Variants in RFC5 observed in about 807,000 individuals in gnomAD.
RFC5 encodes the protein replication factor C subunit 5, also known as A1 36 kDa subunit.
In RFC5, 26 loss-of-function variants were observed where a neutral mutation model predicts 44.3. The ratio of observed to expected loss-of-function variants is 0.59; its 90% CI spans 0.43 to 0.81. RFC5 has a LOEUF of 0.81. RFC5 is among the 40% of genes least tolerant of loss of function. RFC5 has a pLI of 0.00. For synonymous variants in RFC5, 155 were observed against 155.2 expected, an observed-to-expected ratio of 1.00 and a Z score of 0.01; for missense variants, 328 against 418.6, an observed-to-expected ratio of 0.78 and a Z score of 1.89.
intron 5 of RFC5, among the ~76,000 whole-genome samples, chr12:118,023,592 G>C (rs886245101): frequency 2.0e-5 from 3 of 152,086 alleles, no homozygotes; most frequent in Non-Finnish European, 2.9e-5. Flanking sequence ...GTTCTGCCGA[G>C]TGACTGTCAT....
At position 118,019,102 on chromosome 12, in the gene RFC5, T is replaced by C; in HGVS notation, c.96T>C (p.Asn32=). The change falls in exon 2 of 11, where the codon AAT becomes AAC. Residue 32 remains asparagine (N), a synonymous_variant. Coordinates refer to ENST00000454402, the MANE Select transcript of RFC5 (RefSeq NM_007370.7). The surrounding 1 kb of genome is among the most constrained non-coding windows in gnomAD (Gnocchi z 4.2). ...WVEKYRPQTL[N]DLISHQDILS... ...AAAAATACCGGCCACAGACCCTGAA[T>C]GATCTCATTTCTCATCAGGACATTC... 6.2e-7 allele frequency: 1 copy of C among 1,613,212 alleles called. No homozygotes were observed. Among genetic ancestry groups the C allele is most frequent in the Non-Finnish European group, 8.5e-7 (1 of 1,179,188 alleles).
rs1593436392 is a variant in RFC5, at chr12:118,019,182, G to A, written c.130+46G>A. On this transcript the variant is annotated intron_variant, in intron 2 of 10. Coordinates refer to ENST00000454402, the MANE Select transcript of RFC5 (RefSeq NM_007370.7). This position sits in a 1 kb window ranked among gnomAD's most constrained non-coding sequence, Gnocchi z 4.2. ...TGCTCTTGTCCTGCTTGAGCGACTT[G>A]TATAAATTGCTTGGTGATGTTGTCT... The A allele has an allele frequency of 7.3e-7, 1 of 1,366,132 alleles. No individual in the cohort carries two copies. The highest frequency in any genetic ancestry group is 1.0e-6 in the Non-Finnish European group (1 of 955,604). The allele number at this position is 1,366,132 out of a possible 1,614,324, so 84.6% of individuals were successfully genotyped here.
At chr12:118,038,104 C>T (rs938795645), downstream of RFC5, 3 of 470,654 alleles carry the variant, frequency 6.4e-6, no homozygotes, top group Non-Finnish European at 1.1e-5. Flanking sequence ...CAAATCCCTC[C>T]TGTCTTTGGG....
Position 118,026,942 on chromosome 12 carries a change from C to A in RFC5, c.717C>A (p.Thr239=). 1 of 1,613,958 alleles carries A rather than the reference C, an allele frequency of 6.2e-7. No individual in the cohort carries two copies. ...CAGAGGAGACTGTCTACACCTGCAC[C>A]GGGCACCCGCTCAAGTCAGACATTG... The part of the protein sequence containing the change: ...KVTEETVYTC[T]GHPLKSDIAN... The change falls in exon 8 of 11, where the codon ACC becomes ACA. Residue 239 remains threonine, a synonymous_variant. Transcript: ENST00000454402.
chr12:118,038,290 A>G, the RFC5 span: 1 of 1,612,902 alleles, frequency 6.2e-7, no homozygotes, highest in African/African-American at 1.3e-5. Flanking sequence ...AGACTCACCG[A>G]CTTCTCTCCA....
intron 5 of RFC5, among the ~76,000 whole-genome samples, chr12:118,024,221 G>A (rs902817729): frequency 6.6e-5 from 10 of 151,778 alleles, no homozygotes; most frequent in Non-Finnish European, 1.0e-4. Context: ...CGTGTCTGTA[G>A]TCCCAGCTAC....
In RFC5 at chr12:118,019,870, G is replaced by A. The variant is rs1311343163; in HGVS notation, c.267+102G>A. ...TTACTTTAAAAGTAAGTTGCCCCAC[G>A]GACAGTTAGGAAAGAAGTAAATTTG... On this transcript the variant is annotated intron_variant, in intron 3 of 10. Coordinates refer to ENST00000454402, the MANE Select transcript of RFC5 (RefSeq NM_007370.7). The surrounding 1 kb of genome is among the most constrained non-coding windows in gnomAD (Gnocchi z 4.2). 8.9e-6 allele frequency: 8 copies of A among 903,662 alleles called. No homozygotes were observed. Among genetic ancestry groups the A allele is most frequent in the South Asian group, 3.3e-5 (2 of 60,600 alleles). The allele number at this position is 903,662 out of a possible 1,614,324, so 56.0% of individuals were successfully genotyped here. A position where few individuals can be genotyped will look rare whatever the true frequency, so the allele number is the denominator to read the frequency against.
downstream of RFC5, chr12:118,036,207 A>G (rs1404779034): frequency 7.2e-6 from 8 of 1,103,742 alleles, no homozygotes; most frequent in Non-Finnish European, 1.0e-5. Context: ...GTCTCAAAAG[A>G]GACCCACTGT....
chr12:118,023,708 C>T (rs2030713292), intron 5 of RFC5, among the ~76,000 whole-genome samples: 1 of 152,014 alleles, frequency 6.6e-6, no homozygotes, highest in Non-Finnish European at 1.5e-5. Context: ...TCTAAGGCCT[C>T]CAGACAGTCT....
At position 118,026,788 on chromosome 12, in the gene RFC5, C is replaced by T. The variant is rs796069157; in HGVS notation, c.664-101C>T. ...CTTGTGCCCATAGAACTTTGCTGCTCACCTGCATTGCTGCCTTGGCAATTT... is the reference window on the plus strand; with the variant it reads ...CTTGTGCCCATAGAACTTTGCTGCTTACCTGCATTGCTGCCTTGGCAATTT... On this transcript the variant is annotated intron_variant, in intron 7 of 10. Transcript: ENST00000454402. 7.2e-5 allele frequency: 96 copies of T among 1,330,604 alleles called. No homozygotes were observed. The African/African-American group carries it at 1.0e-3, about 14-fold the overall frequency. 82.4% of individuals were successfully genotyped at this position (1,330,604 alleles called of 1,614,324 possible). A position where few individuals can be genotyped will look rare whatever the true frequency, so the allele number is the denominator to read the frequency against.
chr12:118,020,323 A>T (rs1222423427), intron 3 of RFC5, among the ~76,000 whole-genome samples: 1 of 152,186 alleles, frequency 6.6e-6, no homozygotes, highest in East Asian at 1.9e-4. Context: ...TCCCTTCACT[A>T]AGCCCTTCAG....
downstream of RFC5, among the ~76,000 whole-genome samples, chr12:118,036,733 T>C (rs1315102976): frequency 6.6e-6 from 1 of 152,176 alleles, no homozygotes; most frequent in Non-Finnish European, 1.5e-5. Context: ...AGGAGCTCAC[T>C]ATAAGAGAGA....
the RFC5 span, among the ~76,000 whole-genome samples, chr12:118,041,165 G>A: frequency 6.6e-6 from 1 of 152,208 alleles, no homozygotes; most frequent in Non-Finnish European, 1.5e-5. Flanking sequence ...TGGACTAAAT[G>A]TGCCCCCCAC....
intron 3 of RFC5, among the ~76,000 whole-genome samples, chr12:118,020,106 G>C (rs1281848354): frequency 2.0e-5 from 3 of 152,170 alleles, no homozygotes; most frequent in African/African-American, 4.8e-5. Context: ...TGCCTGGAAG[G>C]CTGAGCCCTA....
chr12:118,022,202 G>A (rs1462837988), intron 4 of RFC5, 84 bp from the exon 5 acceptor site: 13 of 1,102,812 alleles, frequency 1.2e-5, no homozygotes, highest in East Asian at 2.4e-5. Context: ...AGGGCCCGAT[G>A]GCACAATGGG....
intron 1 of RFC5, among the ~76,000 whole-genome samples, chr12:118,018,439 A>G (rs1022399641): frequency 2.6e-5 from 4 of 152,152 alleles, no homozygotes; most frequent in Non-Finnish European, 4.4e-5. Context: ...GAGACTACAC[A>G]CTGAGTGCCA....
rs1296806196 is a variant in RFC5 at position 118,032,003 on chromosome 12, G to A, written c.*725G>A. ...TGAGCCTGACTGTAAACCTAGAACT[G>A]CGGAAGGACTGGGACTTTTGTACAA... is the stretch of plus-strand genomic sequence containing the variant. On this transcript the variant is annotated 3_prime_UTR_variant, in exon 11 of 11. Coordinates refer to ENST00000454402, the MANE Select transcript of RFC5 (RefSeq NM_007370.7). The A allele has an allele frequency of 6.6e-6, 1 of 152,210 alleles. No homozygotes were observed. Among genetic ancestry groups the A allele is most frequent in the African/African-American group, 2.4e-5 (1 of 41,450 alleles). 9.4% of individuals were successfully genotyped at this position (152,210 alleles called of 1,614,324 possible).
intron 3 of RFC5, among the ~76,000 whole-genome samples, chr12:118,020,634 G>GTGT (rs1490170843): frequency 6.6e-6 from 1 of 152,224 alleles, no homozygotes; most frequent in East Asian, 1.9e-4. Context: ...GCTCATACCA[G>GTGT]AGGTGCTGTT....
At chr12:118,023,415 G>GGGGGGA (rs1566123934) in intron 5 of RFC5, among the ~76,000 whole-genome samples, 2 of 22,802 alleles carry the variant, frequency 8.8e-5, no homozygotes, top group African/African-American at 3.0e-4. Flanking sequence ...AGGAGGAGGG[G>GGGGGGA]GGAGGAGGGG....
Sources: allele counts gnomAD v4.1 joint callset (sites outside exome capture counted in the v4.1 genomes callset), GRCh38; gene constraint gnomAD v4.1.1; non-coding constraint Gnocchi (gnomAD v3.1); transcripts MANE v1.5; gene names NCBI Gene and HGNC (gene_info 2026-07-23, HGNC 2026-07-21).